The following DUSP15 variants were observed in gnomAD, a reference collection of about 807,000 sequenced individuals.
DUSP15 encodes the protein dual specificity protein phosphatase 15.
DUSP15 carries 23 observed loss-of-function variants against 26.3 expected under a neutral mutation model. That is an observed-to-expected ratio of 0.87 (90% CI 0.63 to 1.24). The LOEUF is 1.24. Among genes scored for constraint, DUSP15 ranks in the 50% most tolerant of loss-of-function variants. DUSP15 has a pLI of 0.00. For missense variants in DUSP15, 364 were observed against 320.6 expected (o/e 1.14, Z -1.03); for synonymous variants, 143 against 135.5 (o/e 1.06, Z -0.39).
At position 31,868,156 on chromosome 20, in the gene DUSP15, G is replaced by A. The variant is rs1363655549; in HGVS notation, c.56-1003C>T. Among the ~76,000 whole-genome samples, 2 of 152,304 alleles carry A rather than the reference G, an allele frequency of 1.3e-5. 1 individual carries two copies. The highest frequency in any genetic ancestry group is 4.1e-4 in the South Asian group (2 of 4,830). ...CTTCCTCATTCGATGAGCATTTACC[G>A]AGTGCTAACCATGTGTATACTTTGG... On this transcript the variant is annotated intron_variant, in intron 2 of 6. Transcript: ENST00000339738.
intron 3 of DUSP15, among the ~76,000 whole-genome samples, chr20:31,866,310 A>G (rs1166138362): frequency 2.0e-5 from 3 of 152,202 alleles, no homozygotes; most frequent in African/African-American, 4.8e-5. Flanking sequence ...AATTTGTTAT[A>G]GTATCAGTTG....
chr20:31,859,653 G>A (rs1457916951), downstream of DUSP15, among the ~76,000 whole-genome samples: 6 of 152,210 alleles, frequency 3.9e-5, no homozygotes, highest in Non-Finnish European at 8.8e-5. Context: ...GGGCCATGGA[G>A]GCTTTTTTTA....
chr20:31,852,079 C>G, intron 6 of DUSP15, among the ~76,000 whole-genome samples: 1 of 150,156 alleles, frequency 6.7e-6, no homozygotes, highest in Non-Finnish European at 1.5e-5. Flanking sequence ...GCGATCTCGG[C>G]TCACTGCAAC....
At position 31,870,432 on chromosome 20, in the gene DUSP15, A is replaced by C. The variant is rs1015996143; in HGVS notation, c.-95T>G. The C allele has an allele frequency of 5.4e-6, 7 of 1,293,006 alleles. No homozygotes were observed. The African/African-American group carries it at 7.7e-5, about 14-fold the overall frequency. 80.1% of individuals were successfully genotyped at this position (1,293,006 alleles called of 1,614,324 possible). A position where few individuals can be genotyped will look rare whatever the true frequency, so the allele number is the denominator to read the frequency against. On this transcript the variant is annotated 5_prime_UTR_variant, in exon 1 of 7. Transcript: ENST00000339738. The surrounding 1 kb of genome is among the most constrained non-coding windows in gnomAD (Gnocchi z 6.6). ...CTGACGGCCCAGGCCCGACGCCTGC[A>C]GCCTGGCGGGGAACGGGGGGCCTGG...
intron 9 of DUSP15, chr20:31,848,705 A>G: frequency 6.8e-7 from 1 of 1,479,916 alleles, no homozygotes; most frequent in Non-Finnish European, 9.1e-7. Flanking sequence ...AGGGTGCTAG[A>G]AGTGTCAGAG....
chr20:31,867,192 G>C, intron 2 of DUSP15, 39 bp from the exon 3 acceptor site: 1 of 1,549,178 alleles, frequency 6.5e-7, no homozygotes, highest in South Asian at 1.2e-5. Context: ...CTGGCTGGCG[G>C]GATGTCCTGA....
At chr20:31,855,566 G>A (rs2062546978) in intron 6 of DUSP15, among the ~76,000 whole-genome samples, 1 of 152,238 alleles carries the variant, frequency 6.6e-6, no homozygotes, top group Admixed American at 6.5e-5. Context: ...GTGTGTGACA[G>A]TGGTGGATTG....
chr20:31,848,374 A>T (rs1410774075), exon 10 of DUSP15: 2 of 1,601,510 alleles, frequency 1.2e-6, no homozygotes, highest in Middle Eastern at 1.7e-4. Context: ...GTTGGGTGGG[A>T]GTAGGGAGCC....
chr20:31,861,698 G>C, intron 6 of DUSP15, 23 bp from the exon 7 acceptor site: 1 of 1,296,806 alleles, frequency 7.7e-7, no homozygotes, highest in Non-Finnish European at 9.7e-7. Context: ...GGTGAGGTGG[G>C]CGGGGTCAAG....
At chr20:31,858,608 T>C (rs2062599906), downstream of DUSP15, among the ~76,000 whole-genome samples, 1 of 152,156 alleles carries the variant, frequency 6.6e-6, no homozygotes, top group South Asian at 2.1e-4. This position sits in a 1 kb window ranked among gnomAD's most constrained non-coding sequence, Gnocchi z 4.4. Context: ...CCCACGCAAG[T>C]GGGGTAGCCT....
At position 31,863,960 on chromosome 20, in the gene DUSP15, A is replaced by G. The variant is rs1166554632; in HGVS notation, c.210T>C (p.Cys70=). The G allele has an allele frequency of 1.2e-6, 2 of 1,613,920 alleles. No individual in the cohort carries two copies. The highest frequency in any genetic ancestry group is 1.7e-6 in the Non-Finnish European group (2 of 1,179,908). ...GGCGGCAGCAGTGGATGAAGTTGAT[A>G]CATTCTTTGAAGTGCTTTTTGCTAG... ...EVPIKKHFKE[C]INFIHCCRLN... The change falls in exon 5 of 7, where the codon TGT becomes TGC. Residue 70 remains cysteine, a synonymous_variant. Transcript: ENST00000339738.
intron 6 of DUSP15, among the ~76,000 whole-genome samples, chr20:31,855,669 A>T (rs1399648858): frequency 6.6e-6 from 1 of 152,216 alleles, no homozygotes; most frequent in Non-Finnish European, 1.5e-5. Flanking sequence ...GTATATGCAT[A>T]CGTCTTAAGG....
chr20:31,860,757 GGAGGGGCCCCTCATGGTGGAGGA>G (rs1390030204), downstream of DUSP15, among the ~76,000 whole-genome samples: 1 of 152,214 alleles, frequency 6.6e-6, no homozygotes, highest in East Asian at 1.9e-4. Context: ...GTCGGGGAGG[GGAGGGGCCCCTCATGGTGGAGGA>G]GAGGGGTTCA....
At position 31,850,465 on chromosome 20, in the gene DUSP15, A is replaced by G. The variant is rs1600433612; in HGVS notation, c.491+147T>C. On this transcript the variant is annotated intron_variant, in intron 7 of 9. Coordinates refer to the DUSP15 transcript ENST00000278979. ...TTGGAAGGGTGCCTGGCATAAACTA[A>G]GCCCTCAGGAAATGTTGACTGTTGT... 4 of 809,016 alleles carry G rather than the reference A, an allele frequency of 4.9e-6. No individual in the cohort carries two copies. In the East Asian group the frequency reaches 1.1e-4, roughly 22 times the overall value. 50.1% of individuals were successfully genotyped at this position (809,016 alleles called of 1,614,324 possible). A position where few individuals can be genotyped will look rare whatever the true frequency, so the allele number is the denominator to read the frequency against.
chr20:31,869,508 ACAGGCCTGAGACAGGCAGAGTGC>A, intron 2 of DUSP15, 33 bp downstream of exon 2: 1 of 1,588,716 alleles, frequency 6.3e-7, no homozygotes, highest in Non-Finnish European at 8.6e-7. Context: ...AATGGTGGAC[ACAGGCCTGAGACAGGCAGAGTGC>A]CATGGCCTCG....
chr20:31,863,640 T>C (rs1246064667), intron 5 of DUSP15: 3 of 432,156 alleles, frequency 6.9e-6, no homozygotes, highest in Admixed American at 3.7e-5. Flanking sequence ...CTCCCAACAG[T>C]CCCATCAGGT....
At chr20:31,849,759 G>A in exon 8 of DUSP15, 1 of 1,540,030 alleles carries the variant, frequency 6.5e-7, no homozygotes, top group Non-Finnish European at 8.7e-7. Context: ...TGAGGTGGCG[G>A]CCCCAGCAGG....
At chr20:31,849,899 G>A (rs1415938066) in intron 7 of DUSP15, 104 of 1,458,206 alleles carry the variant, frequency 7.1e-5, no homozygotes, top group Non-Finnish European at 9.2e-5. Flanking sequence ...AGGGTGCACG[G>A]GCTGGACGTG....
intron 6 of DUSP15, among the ~76,000 whole-genome samples, chr20:31,855,966 T>C (rs1203616346): frequency 6.6e-6 from 1 of 152,220 alleles, no homozygotes; most frequent in Non-Finnish European, 1.5e-5. Context: ...CCATAGGTTT[T>C]GGGGAACAGG....
Sources: allele counts gnomAD v4.1 joint callset (sites outside exome capture counted in the v4.1 genomes callset), GRCh38; gene constraint gnomAD v4.1.1; non-coding constraint Gnocchi (gnomAD v3.1); transcripts MANE v1.5; gene names NCBI Gene and HGNC (gene_info 2026-07-23, HGNC 2026-07-21).